Variants in OPRM1 observed in about 807,000 individuals in gnomAD.
OPRM1 encodes mu-type opioid receptor.
OPRM1 carries 27 observed loss-of-function variants against 31.8 expected under a neutral mutation model. The ratio of observed to expected loss-of-function variants is 0.85; its 90% CI spans 0.63 to 1.17. The LOEUF (loss-of-function observed/expected upper bound fraction) is 1.17. Ranked by LOEUF, OPRM1 falls within the 50% of genes most tolerant of loss-of-function variation. OPRM1 has a pLI of 0.00. For synonymous variants in OPRM1, 196 were observed against 189.9 expected (o/e 1.03, Z -0.26); for missense variants, 536 against 511.1 (o/e 1.05, Z -0.47).
intron 3 of OPRM1, among the ~76,000 whole-genome samples, chr6:154,171,534 C>T (rs1799869301): frequency 6.6e-6 from 1 of 151,988 alleles, no homozygotes; most frequent in African/African-American, 2.4e-5. Context: ...TGAAATGTTC[C>T]AAAATTAGAT....
intron 3 of OPRM1, chr6:154,159,675 T>G: frequency 3.1e-6 from 2 of 650,610 alleles, no homozygotes; most frequent in South Asian, 1.8e-5. Flanking sequence ...GTGTATTCGG[T>G]GATTATCTTC....
chr6:154,115,815 G>A (rs1796813588), intron 3 of OPRM1, among the ~76,000 whole-genome samples: 1 of 152,216 alleles, frequency 6.6e-6, no homozygotes, highest in African/African-American at 2.4e-5. Context: ...GGAACATAGA[G>A]TTTCATCTGT....
intron 3 of OPRM1, among the ~76,000 whole-genome samples, chr6:154,152,348 G>GAAAAGA (rs1562510737): frequency 5.0e-3 from 12 of 2,404 alleles, no homozygotes; most frequent in African/African-American, 0.014. Context: ...AGAAAGAAAG[G>GAAAAGA]AAAGAAAGAA....
chr6:154,146,760 C>A (rs550217339), intron 3 of OPRM1, among the ~76,000 whole-genome samples: 37 of 152,160 alleles, frequency 2.4e-4, no homozygotes, highest in African/African-American at 8.2e-4. Context: ...TGAAAGGGCA[C>A]CCCACATGGA....
chr6:154,091,521 T>TTATAAGGC, intron 3 of OPRM1, 49 bp downstream of exon 3: 3 of 1,549,362 alleles, frequency 1.9e-6, no homozygotes, highest in Non-Finnish European at 2.6e-6. Flanking sequence ...GACATAAAAA[T>TTATAAGGC]TATAAGGCTT....
At chr6:154,214,643 G>A (rs186277482) in intron 3 of OPRM1, among the ~76,000 whole-genome samples, 1 of 152,170 alleles carries the variant, frequency 6.6e-6, no homozygotes, top group East Asian at 1.9e-4. Context: ...AAGTTATTAG[G>A]TGTTACTCTT....
At chr6:154,031,172 A>G (rs1778986579) in intron 1 of OPRM1, among the ~76,000 whole-genome samples, 1 of 152,232 alleles carries the variant, frequency 6.6e-6, no homozygotes, top group African/African-American at 2.4e-5. Context: ...AAAATGCAAT[A>G]TCTTACTGTT....
At chr6:154,227,305 T>A (rs946147868) in intron 3 of OPRM1, among the ~76,000 whole-genome samples, 3 of 152,230 alleles carry the variant, frequency 2.0e-5, no homozygotes, top group Non-Finnish European at 4.4e-5. Context: ...TATGGCATGA[T>A]TAGTTTCTAG....
rs1797439226 is a variant in OPRM1, at chr6:154,123,899, C to T, written c.*5178C>T. 6.6e-6 allele frequency among the ~76,000 whole-genome samples: 1 copy of T among 152,164 alleles called. No individual in the cohort carries two copies. Among genetic ancestry groups the T allele is most frequent in the African/African-American group, 2.4e-5 (1 of 41,434 alleles). ...CGGCTTCTTTACCACATCCTTTTATCAGTAAGATCTTCGTGACCTGTACCT... is the reference window on the plus strand; with the variant it reads ...CGGCTTCTTTACCACATCCTTTTATTAGTAAGATCTTCGTGACCTGTACCT... On this transcript the variant is annotated 3_prime_UTR_variant, in exon 4 of 4. Coordinates refer to ENST00000330432, the MANE Select transcript of OPRM1 (RefSeq NM_000914.5).
At chr6:154,221,917 C>G (rs1016029512) in intron 3 of OPRM1, among the ~76,000 whole-genome samples, 10 of 152,060 alleles carry the variant, frequency 6.6e-5, no homozygotes, top group Admixed American at 5.2e-4. Flanking sequence ...ATAGGTATAT[C>G]CTCTTCCTTT....
chr6:154,077,876 T>C, intron 1 of OPRM1, among the ~76,000 whole-genome samples: 1 of 129,820 alleles, frequency 7.7e-6, no homozygotes, highest in East Asian at 2.4e-4. Context: ...CCCCATCTAC[T>C]TTTTTTTTTT....
intron 1 of OPRM1, among the ~76,000 whole-genome samples, chr6:154,025,275 C>A (rs1196512945): frequency 6.6e-6 from 1 of 151,948 alleles, no homozygotes; most frequent in Non-Finnish European, 1.5e-5. Flanking sequence ...ATATAGTAAC[C>A]TTCTTTGTCT....
chr6:154,088,148 T>C (rs1031748221), intron 1 of OPRM1, among the ~76,000 whole-genome samples: 10 of 151,784 alleles, frequency 6.6e-5, no homozygotes, highest in Admixed American at 4.6e-4. Context: ...GAATTAATTC[T>C]TGTTATATGC....
chr6:154,186,584 T>C (rs1801374454), intron 3 of OPRM1, among the ~76,000 whole-genome samples: 1 of 150,962 alleles, frequency 6.6e-6, no homozygotes, highest in South Asian at 2.1e-4. Context: ...TGAGACGGAG[T>C]CTCGCTTTGT....
At chr6:154,101,252 T>C (rs759300294) in intron 3 of OPRM1, among the ~76,000 whole-genome samples, 13 of 152,134 alleles carry the variant, frequency 8.5e-5, no homozygotes, top group Non-Finnish European at 1.8e-4. Context: ...AATATCTCAC[T>C]CTTACTCTTC....
In OPRM1 at chr6:154,039,591, C is replaced by T. The variant is rs767553433; in HGVS notation, c.47C>T (p.Ala16Val). The T allele has an allele frequency of 6.2e-7, 1 of 1,613,858 alleles. No homozygotes were observed. The highest frequency in any genetic ancestry group is 1.1e-5 in the South Asian group (1 of 90,992). The change falls in exon 1 of 4, where the codon GCC becomes GTC. Residue 16 changes from alanine to valine, a missense_variant. By Grantham distance (64) the Ala-to-Val change is moderately conservative (BLOSUM62 0). Coordinates refer to ENST00000330432, the MANE Select transcript of OPRM1 (RefSeq NM_000914.5). Reference sequence around the variant, plus strand: ...ACGAACGCCAGCAATTGCACTGATGCCTTGGCGTACTCAAGTTGCTCCCCA... The same window carrying T: ...ACGAACGCCAGCAATTGCACTGATGTCTTGGCGTACTCAAGTTGCTCCCCA... ...APTNASNCTDALAYSSCSPAP... is the reference protein window; with the variant it reads ...APTNASNCTDVLAYSSCSPAP...
At chr6:154,111,972 A>G (rs1430399192) in intron 3 of OPRM1, among the ~76,000 whole-genome samples, 2 of 152,034 alleles carry the variant, frequency 1.3e-5, no homozygotes, top group Admixed American at 6.5e-5. Context: ...TCACTGTGTT[A>G]GCCAGGATGG....
At chr6:154,097,089 A>G (rs897173854) in intron 3 of OPRM1, among the ~76,000 whole-genome samples, 2 of 152,214 alleles carry the variant, frequency 1.3e-5, no homozygotes, top group African/African-American at 4.8e-5. Flanking sequence ...TAATGTAATT[A>G]TCCTTGGAAA....
intron 1 of OPRM1, among the ~76,000 whole-genome samples, chr6:154,065,475 C>T (rs1366618325): frequency 6.6e-6 from 1 of 152,130 alleles, no homozygotes; most frequent in African/African-American, 2.4e-5. Flanking sequence ...TTGTACACAT[C>T]TTTCACCTCC....
Sources: allele counts gnomAD v4.1 joint callset (sites outside exome capture counted in the v4.1 genomes callset), GRCh38; gene constraint gnomAD v4.1.1; transcripts MANE v1.5; gene names NCBI Gene and HGNC (gene_info 2026-07-23, HGNC 2026-07-21).